The following CLOCK variants were observed in gnomAD, a reference collection of about 807,000 sequenced individuals.
The protein encoded by CLOCK is clock circadian regulator.
In CLOCK, 43 loss-of-function variants were observed where a neutral mutation model predicts 118.4. The observed-to-expected ratio is 0.36, with a 90% CI of 0.28 to 0.47. The LOEUF is 0.47. Among genes scored for constraint, CLOCK ranks in the 20% least tolerant of loss-of-function variants. The probability of loss-of-function intolerance (pLI) is 1.00; values close to 1 mark genes in which losing one functional copy is unlikely to be tolerated. For missense variants in CLOCK, 846 were observed against 999.9 expected (o/e 0.85, Z 2.08); for synonymous variants, 326 against 339.2 (o/e 0.96, Z 0.43).
Position 55,463,820 on chromosome 4 carries a change from G to A in CLOCK, c.439-15C>T. On this transcript the variant is annotated splice_polypyrimidine_tract_variant and intron_variant, in intron 8 of 22. Transcript: ENST00000513440. Reference sequence around the variant, plus strand: ...ACAAGATCAGACTGAAAAGAAAATTGTTAAAAGTAAAATAACTTCAATGAT... The same window carrying A: ...ACAAGATCAGACTGAAAAGAAAATTATTAAAAGTAAAATAACTTCAATGAT... The A allele has an allele frequency of 6.2e-7, 1 of 1,601,206 alleles. No individual in the cohort carries two copies. The highest frequency in any genetic ancestry group is 1.1e-5 in the South Asian group (1 of 90,322).
chr4:55,477,682 AATAGAAATCTGGTAGGTTAAT>A (rs1342019384), intron 6 of CLOCK, among the ~76,000 whole-genome samples: 2 of 152,152 alleles, frequency 1.3e-5, no homozygotes, highest in Non-Finnish European at 2.9e-5. Flanking sequence ...TGCATCTAAA[AATAGAAATCTGGTAGGTTAAT>A]AGAGACACAA....
chr4:55,491,234 T>TAAAAAAAA (rs34441416), intron 2 of CLOCK, among the ~76,000 whole-genome samples: 1 of 44,344 alleles, frequency 2.3e-5, no homozygotes, highest in Non-Finnish European at 4.1e-5. Context: ...GCAGGTGTGC[T>TAAAAAAAA]AAAAAAAAAA....
chr4:55,448,601 C>CGTGTGT lies in CLOCK; in HGVS notation c.1539+172_1539+177dup, dbSNP rs3034980. Among the ~76,000 whole-genome samples, 392 of 117,000 alleles carry CGTGTGT rather than the reference C, an allele frequency of 3.4e-3. 2 individuals carry two copies. Among genetic ancestry groups the CGTGTGT allele is most frequent in the Middle Eastern group, 0.015 (3 of 198 alleles). 76.8% of individuals were successfully genotyped at this position (117,000 alleles called of 152,430 possible). A position where few individuals can be genotyped will look rare whatever the true frequency, so the allele number is the denominator to read the frequency against. ...ATATATGTGCGCGCGCGCACGCGCG[C>CGTGTGT]GTGTGTGTGTGTGTGTGTGTGTGTG... On this transcript the variant is annotated intron_variant, in intron 18 of 22. Coordinates refer to ENST00000513440, the MANE Select transcript of CLOCK (RefSeq NM_004898.4).
At chr4:55,527,221 T>A (rs895777020) in intron 1 of CLOCK, among the ~76,000 whole-genome samples, 1 of 152,146 alleles carries the variant, frequency 6.6e-6, no homozygotes, top group Non-Finnish European at 1.5e-5. Flanking sequence ...ATATGTGGAA[T>A]ATACTTCAAA....
At position 55,515,379 on chromosome 4, in the gene CLOCK, G is replaced by GT. The variant is rs564841292; in HGVS notation, c.-289-5315dup. On this transcript the variant is annotated intron_variant, in intron 1 of 22. Coordinates refer to ENST00000513440, the MANE Select transcript of CLOCK (RefSeq NM_004898.4). ...TTTCTTATTTTCCATTTCACTGGCT[G>GT]TTTTGTTTGTTTTGAGATGGAGTCT... 6.6e-5 allele frequency among the ~76,000 whole-genome samples: 10 copies of GT among 151,962 alleles called. No homozygotes were observed. In the South Asian group the frequency reaches 1.9e-3, roughly 28 times the overall value.
intron 2 of CLOCK, among the ~76,000 whole-genome samples, chr4:55,500,595 C>A (rs1413411418): frequency 1.3e-5 from 2 of 152,150 alleles, no homozygotes; most frequent in Non-Finnish European, 2.9e-5. Flanking sequence ...AAGCAATCCT[C>A]CTGCCGTGAC....
chr4:55,494,198 T>C (rs1727900663), intron 2 of CLOCK, among the ~76,000 whole-genome samples: 1 of 152,090 alleles, frequency 6.6e-6, no homozygotes, highest in Non-Finnish European at 1.5e-5. Context: ...TCACATGTAA[T>C]CAGGTACCAT....
intron 1 of CLOCK, among the ~76,000 whole-genome samples, chr4:55,518,700 A>G (rs1366225173): frequency 6.6e-6 from 1 of 152,228 alleles, no homozygotes; most frequent in African/African-American, 2.4e-5. Flanking sequence ...CACAGCAACA[A>G]GGCACCAGAA....
chr4:55,546,319 G>A (rs1172344917), intron 1 of CLOCK, among the ~76,000 whole-genome samples: 1 of 152,080 alleles, frequency 6.6e-6, no homozygotes, highest in Non-Finnish European at 1.5e-5. Context: ...TGCCCCAGAG[G>A]GCCTCTCAGG....
chr4:55,455,826 C>G (rs1317832297), intron 13 of CLOCK, 71 bp downstream of exon 13: 1 of 1,013,482 alleles, frequency 9.9e-7, no homozygotes, highest in Non-Finnish European at 1.6e-6. Context: ...TGTCTTACTA[C>G]CTATCATTTC....
chr4:55,515,086 G>A (rs1478521311), intron 1 of CLOCK, among the ~76,000 whole-genome samples: 1 of 152,104 alleles, frequency 6.6e-6, no homozygotes, highest in South Asian at 2.1e-4. Context: ...TATTCAGATT[G>A]TCTACTTCTT....
At chr4:55,526,057 T>C (rs924635998) in intron 1 of CLOCK, among the ~76,000 whole-genome samples, 2 of 152,192 alleles carry the variant, frequency 1.3e-5, no homozygotes, top group South Asian at 2.1e-4. Flanking sequence ...ATTTTCGGGA[T>C]ACTCAACTGA....
chr4:55,466,131 G>C (rs1725722446), intron 8 of CLOCK, among the ~76,000 whole-genome samples: 1 of 152,124 alleles, frequency 6.6e-6, no homozygotes, highest in African/African-American at 2.4e-5. Flanking sequence ...ATGTGTCATG[G>C]GAGGGGCTGA....
At position 55,500,307 on chromosome 4, in the gene CLOCK, A is replaced by C. The variant is rs1268644218; in HGVS notation, c.-136+9605T>G. On this transcript the variant is annotated intron_variant, in intron 2 of 22. Transcript: ENST00000513440. The stretch of plus-strand genomic sequence containing the variant: ...TCTTCAGATAATTGTTTTTGTTTCT[A>C]TCTAGAGGGTTTTTGTTGTTGTTTT... 1.8e-4 allele frequency among the ~76,000 whole-genome samples: 28 copies of C among 151,944 alleles called. 1 individual carries two copies. The highest frequency in any genetic ancestry group is 1.5e-5 in the Non-Finnish European group (1 of 67,982).
At chr4:55,490,159 A>T (rs1488164954) in intron 2 of CLOCK, among the ~76,000 whole-genome samples, 1 of 152,128 alleles carries the variant, frequency 6.6e-6, no homozygotes, top group Non-Finnish European at 1.5e-5. Context: ...TAAGAACAGA[A>T]GCTGAAAGTG....
At chr4:55,546,674 C>G (rs1030858343) in intron 1 of CLOCK, 108 bp downstream of exon 1, 2 of 141,240 alleles carry the variant, frequency 1.4e-5, no homozygotes, top group African/African-American at 5.1e-5. Context: ...CTCCTCCTCC[C>G]CCTCCCTTCC....
chr4:55,523,790 C>T (rs1325727883), intron 1 of CLOCK, among the ~76,000 whole-genome samples: 3 of 151,982 alleles, frequency 2.0e-5, no homozygotes, highest in Non-Finnish European at 2.9e-5. Flanking sequence ...ACTCTTCTTG[C>T]AATTTCATCA....
chr4:55,440,740 G>A (rs1723301813), intron 21 of CLOCK, among the ~76,000 whole-genome samples: 1 of 152,170 alleles, frequency 6.6e-6, no homozygotes, highest in African/African-American at 2.4e-5. Flanking sequence ...ACTGGTAAAT[G>A]TGATAAGAAT....
At position 55,482,833 on chromosome 4, in the gene CLOCK, G is replaced by C; in HGVS notation, c.-43-5C>G. 1 of 1,375,002 alleles carries C rather than the reference G, an allele frequency of 7.3e-7. No homozygotes were observed. The highest frequency in any genetic ancestry group is 2.3e-5 in the East Asian group (1 of 43,076). The allele number at this position is 1,375,002 out of a possible 1,614,324, so 85.2% of individuals were successfully genotyped here. On this transcript the variant is annotated splice_region_variant and splice_polypyrimidine_tract_variant and intron_variant, in intron 3 of 22. Transcript: ENST00000513440. ...TAGTAGACATTTGTACTTCTCCTTA[G>C]GTGAAAAGAAAAATAAATGGTCATT...
Sources: gnomAD v4.1 joint callset for allele counts (sites outside exome capture counted in the v4.1 genomes callset) on GRCh38, gnomAD v4.1.1 for gene constraint, MANE v1.5 for transcripts, NCBI Gene and HGNC (gene_info 2026-07-23, HGNC 2026-07-21) for gene names.